The following ADAMTS19 variants were observed in gnomAD, a reference collection of about 807,000 sequenced individuals.
ADAMTS19 encodes A disintegrin and metalloproteinase with thrombospondin motifs 19.
A neutral mutation model predicts 153.3 loss-of-function variants in ADAMTS19; 93 were observed. The ratio of observed to expected loss-of-function variants is 0.61; its 90% CI spans 0.51 to 0.72. The LOEUF (loss-of-function observed/expected upper bound fraction) is 0.72. Among genes scored for constraint, ADAMTS19 ranks in the 30% least tolerant of loss-of-function variants. ADAMTS19 has a pLI of 0.00. For missense variants in ADAMTS19, 1,482 were observed against 1,552.1 expected (o/e 0.95, Z 0.76); for synonymous variants, 600 against 556.6 (o/e 1.08, Z -1.10).
At chr5:129,502,776 A>G (rs1751145283) in intron 2 of ADAMTS19, among the ~76,000 whole-genome samples, 1 of 152,212 alleles carries the variant, frequency 6.6e-6, no homozygotes, top group Admixed American at 6.6e-5. Context: ...AAGGAAGACT[A>G]CATTTGAGCA....
chr5:129,620,854 AC>A, intron 9 of ADAMTS19, 96 bp downstream of exon 9: 2 of 1,338,922 alleles, frequency 1.5e-6, no homozygotes, highest in Non-Finnish European at 2.0e-6. Context: ...TGGAAAGGCC[AC>A]CAGAGTAAAA....
intron 3 of ADAMTS19, among the ~76,000 whole-genome samples, chr5:129,521,700 A>G (rs1310077191): frequency 6.6e-6 from 1 of 152,158 alleles, no homozygotes; most frequent in Non-Finnish European, 1.5e-5. Context: ...AATTTTCTTT[A>G]AAGGGTGACC....
chr5:129,689,376 T>C (rs528822640), intron 18 of ADAMTS19, among the ~76,000 whole-genome samples: 4 of 152,144 alleles, frequency 2.6e-5, no homozygotes, highest in Non-Finnish European at 2.9e-5. Flanking sequence ...CCCTCTAGAA[T>C]ATATTTAACA....
chr5:129,511,253 G>A (rs577897787), intron 3 of ADAMTS19, among the ~76,000 whole-genome samples: 1 of 151,892 alleles, frequency 6.6e-6, no homozygotes, highest in South Asian at 2.1e-4. Context: ...GGTAGATTAT[G>A]TTTATATGTA....
chr5:129,596,630 C>A lies in ADAMTS19; in HGVS notation c.1444C>A (p.Leu482Ile), dbSNP rs761174002. ...TATTGCTGAAGACAATGGCTTGAAT[C>A]TTGCTTTTACAATTGCTCATGAAAT... ...CIIAEDNGLN[L>I]AFTIAHEMGH... Residue 482 changes from leucine to isoleucine, a missense_variant, in exon 8 of 23, where the codon CTT becomes ATT. Physicochemically the swap from Leu to Ile is conservative, Grantham distance 5. This residue lies in a region of ADAMTS19 where 866 missense variants were observed against 827.7 expected (regional missense o/e 1.05). Transcript: ENST00000274487. 1.2e-6 allele frequency: 2 copies of A among 1,606,638 alleles called. No homozygotes were observed. The highest frequency in any genetic ancestry group is 2.3e-5 in the East Asian group (1 of 44,256).
chr5:129,502,307 G>T (rs953880699), intron 2 of ADAMTS19, among the ~76,000 whole-genome samples: 2 of 152,208 alleles, frequency 1.3e-5, no homozygotes, highest in East Asian at 3.9e-4. Flanking sequence ...GTGGGGACTA[G>T]AATGTAAGTA....
intron 13 of ADAMTS19, among the ~76,000 whole-genome samples, chr5:129,652,378 T>C (rs1445468202): frequency 6.6e-6 from 1 of 152,206 alleles, no homozygotes; most frequent in African/African-American, 2.4e-5. Flanking sequence ...GAGAATTAAA[T>C]GTGGGGTAGC....
intron 10 of ADAMTS19, among the ~76,000 whole-genome samples, chr5:129,638,606 C>T (rs1186085877): frequency 6.6e-6 from 1 of 150,470 alleles, no homozygotes; most frequent in African/African-American, 2.4e-5. Flanking sequence ...CACACACAAG[C>T]TATTCTAATA....
chr5:129,647,601 T>C (rs1209964979), intron 11 of ADAMTS19, among the ~76,000 whole-genome samples, 164 bp from the exon 12 acceptor site: 1 of 152,204 alleles, frequency 6.6e-6, no homozygotes, highest in Non-Finnish European at 1.5e-5. Flanking sequence ...ATTATATTAC[T>C]ATGACAAAAA....
chr5:129,722,221 G>A (rs933609191), intron 21 of ADAMTS19, among the ~76,000 whole-genome samples: 1 of 152,190 alleles, frequency 6.6e-6, no homozygotes, highest in African/African-American at 2.4e-5. Context: ...CCCACCAGCA[G>A]TGTAAAAGTG....
intron 2 of ADAMTS19, among the ~76,000 whole-genome samples, chr5:129,470,045 C>T (rs1482403842): frequency 6.6e-6 from 1 of 152,166 alleles, no homozygotes; most frequent in Non-Finnish European, 1.5e-5. Context: ...ACTATTTAAT[C>T]ATATATTAAC....
chr5:129,734,225 A>G (rs1236714640), intron 21 of ADAMTS19, among the ~76,000 whole-genome samples: 1 of 151,854 alleles, frequency 6.6e-6, no homozygotes, highest in African/African-American at 2.4e-5. Context: ...TACAGTGTTC[A>G]CTGTCTGAGT....
At chr5:129,565,877 G>C (rs1165195618) in intron 7 of ADAMTS19, among the ~76,000 whole-genome samples, 2 of 152,100 alleles carry the variant, frequency 1.3e-5, no homozygotes, top group African/African-American at 4.8e-5. Context: ...TTTGAACTCA[G>C]TAGAAATTTT....
At chr5:129,713,636 A>G (rs367920763) in intron 21 of ADAMTS19, among the ~76,000 whole-genome samples, 73 of 152,038 alleles carry the variant, frequency 4.8e-4, no homozygotes, top group African/African-American at 1.7e-3. Flanking sequence ...TGGTACATAC[A>G]TGTAATCCCA....
At chr5:129,468,702 T>C (rs1021001534) in intron 2 of ADAMTS19, among the ~76,000 whole-genome samples, 1 of 152,148 alleles carries the variant, frequency 6.6e-6, no homozygotes, top group Non-Finnish European at 1.5e-5. Flanking sequence ...TTTGTTGTTA[T>C]GGTGAGGTTG....
chr5:129,529,870 A>G (rs571045697), intron 6 of ADAMTS19, among the ~76,000 whole-genome samples: 1 of 152,268 alleles, frequency 6.6e-6, no homozygotes, highest in African/African-American at 2.4e-5. Context: ...ATTTAAAAAG[A>G]TAAGAGGAAT....
intron 10 of ADAMTS19, among the ~76,000 whole-genome samples, chr5:129,623,537 G>A (rs1365546722): frequency 6.6e-6 from 1 of 152,172 alleles, no homozygotes; most frequent in Non-Finnish European, 1.5e-5. Flanking sequence ...TTGGGTAACT[G>A]TCAGCATAAT....
intron 7 of ADAMTS19, among the ~76,000 whole-genome samples, chr5:129,590,526 A>AT: frequency 6.6e-6 from 1 of 152,326 alleles, no homozygotes; most frequent in Non-Finnish European, 1.5e-5. Context: ...CTTAGTATTC[A>AT]TAAAAACTGC....
intron 2 of ADAMTS19, among the ~76,000 whole-genome samples, chr5:129,464,594 T>C (rs1325485817): frequency 2.0e-5 from 3 of 152,206 alleles, no homozygotes; most frequent in Admixed American, 6.5e-5. Context: ...GAACATCAGC[T>C]ATCCAGTAAA....
Sources: allele counts gnomAD v4.1 joint callset (sites outside exome capture counted in the v4.1 genomes callset), GRCh38; gene constraint gnomAD v4.1.1; regional missense constraint gnomAD v4.1.1; transcripts MANE v1.5; gene names NCBI Gene and HGNC (gene_info 2026-07-23, HGNC 2026-07-21).